Variants in ARHGAP15 observed in about 807,000 individuals in gnomAD.
The protein encoded by ARHGAP15 is Rho GTPase activating protein 15.
In ARHGAP15, 51 loss-of-function variants were observed where a neutral mutation model predicts 63.7. That is an observed-to-expected ratio of 0.80 (90% CI 0.64 to 1.01). The LOEUF is 1.01. ARHGAP15 is among the 50% of genes least tolerant of loss of function. ARHGAP15 has a pLI of 0.00. For missense variants in ARHGAP15, 560 were observed against 564.6 expected (o/e 0.99, Z 0.08); for synonymous variants, 191 against 193.8 (o/e 0.99, Z 0.12).
intron 9 of ARHGAP15, among the ~76,000 whole-genome samples, chr2:143,511,937 T>C (rs1198848978): frequency 6.6e-6 from 1 of 152,226 alleles, no homozygotes; most frequent in Non-Finnish European, 1.5e-5. Context: ...TGCATTATCA[T>C]CTCTTCTCAA....
chr2:143,341,181 A>G (rs1054625379), intron 6 of ARHGAP15, among the ~76,000 whole-genome samples: 2 of 151,896 alleles, frequency 1.3e-5, no homozygotes, highest in African/African-American at 4.8e-5. Context: ...CCTCTCCGGC[A>G]TCCCTTCTTT....
At chr2:143,385,032 T>C (rs1412355805) in intron 6 of ARHGAP15, among the ~76,000 whole-genome samples, 1 of 152,182 alleles carries the variant, frequency 6.6e-6, no homozygotes, top group African/African-American at 2.4e-5. Context: ...CCATTTTATT[T>C]TACCTAGAGA....
intron 10 of ARHGAP15, among the ~76,000 whole-genome samples, chr2:143,550,130 TAA>T (rs1158341991): frequency 1.3e-5 from 2 of 152,206 alleles, no homozygotes; most frequent in African/African-American, 4.8e-5. Context: ...TTTACTGCTA[TAA>T]GTTTAAAGAG....
chr2:143,713,016 A>T (rs1318570996), intron 13 of ARHGAP15, among the ~76,000 whole-genome samples: 1 of 152,210 alleles, frequency 6.6e-6, no homozygotes, highest in African/African-American at 2.4e-5. Context: ...TTTTTGTTGA[A>T]CAAATGGAAT....
intron 6 of ARHGAP15, among the ~76,000 whole-genome samples, chr2:143,272,582 G>C (rs1281220299): frequency 2.6e-5 from 4 of 152,172 alleles, no homozygotes; most frequent in Admixed American, 2.6e-4. Context: ...GATCCCAGGA[G>C]ACAGAGATTG....
intron 6 of ARHGAP15, among the ~76,000 whole-genome samples, chr2:143,318,144 A>G (rs1683811037): frequency 6.6e-6 from 1 of 151,402 alleles, no homozygotes; most frequent in Non-Finnish European, 1.5e-5. Flanking sequence ...GACTACAGGC[A>G]CGTGGCACCA....
intron 2 of ARHGAP15, among the ~76,000 whole-genome samples, chr2:143,168,469 A>AT (rs951744008): frequency 1.3e-5 from 2 of 152,106 alleles, no homozygotes; most frequent in Admixed American, 1.3e-4. Context: ...CTCAGCCACC[A>AT]TGACTGGTCC....
chr2:143,209,478 G>A (rs533241839), intron 3 of ARHGAP15, among the ~76,000 whole-genome samples: 11 of 152,018 alleles, frequency 7.2e-5, no homozygotes, highest in Non-Finnish European at 8.8e-5. Context: ...CTAGAGAAGC[G>A]TTCAGTCTAG....
intron 6 of ARHGAP15, among the ~76,000 whole-genome samples, chr2:143,283,260 A>T (rs533712736): frequency 9.2e-5 from 14 of 152,146 alleles, no homozygotes; most frequent in Non-Finnish European, 2.1e-4. Flanking sequence ...CGCTTTCCTC[A>T]ATGTACACAC....
At chr2:143,287,710 G>A (rs765939273) in intron 6 of ARHGAP15, among the ~76,000 whole-genome samples, 1 of 152,106 alleles carries the variant, frequency 6.6e-6, no homozygotes, top group Non-Finnish European at 1.5e-5. Flanking sequence ...GGGTGAGGCA[G>A]GAGAATTGCT....
At chr2:143,370,349 G>T (rs924618503) in intron 6 of ARHGAP15, among the ~76,000 whole-genome samples, 29 of 152,068 alleles carry the variant, frequency 1.9e-4, no homozygotes, top group Non-Finnish European at 8.8e-5. Flanking sequence ...GGACTGTTGT[G>T]GGGTGGGGGA....
chr2:143,266,972 C>T (rs895709628), intron 6 of ARHGAP15, among the ~76,000 whole-genome samples: 4 of 152,124 alleles, frequency 2.6e-5, no homozygotes, highest in Non-Finnish European at 5.9e-5. Context: ...ATGGAATAGT[C>T]TCTTTCTGGA....
intron 6 of ARHGAP15, among the ~76,000 whole-genome samples, chr2:143,251,495 C>T (rs16858917): frequency 0.011 from 1,729 of 151,900 alleles, 32 homozygotes; most frequent in African/African-American, 0.039. Context: ...CATTTTCTAC[C>T]GACACTCTCA....
At chr2:143,357,984 C>A (rs375348785) in intron 6 of ARHGAP15, among the ~76,000 whole-genome samples, 6 of 152,130 alleles carry the variant, frequency 3.9e-5, no homozygotes, top group Non-Finnish European at 7.4e-5. Flanking sequence ...AAATGGCATT[C>A]ATTTTGTTTT....
At chr2:143,482,762 C>A (rs1306513376) in intron 8 of ARHGAP15, among the ~76,000 whole-genome samples, 1 of 152,182 alleles carries the variant, frequency 6.6e-6, no homozygotes, top group African/African-American at 2.4e-5. Context: ...TGCTTTATAT[C>A]CACGCACTTC....
chr2:143,707,990 T>G (rs960329908), intron 13 of ARHGAP15, among the ~76,000 whole-genome samples: 15 of 152,178 alleles, frequency 9.9e-5, no homozygotes, highest in Non-Finnish European at 2.2e-4. Flanking sequence ...CGTTCCTGTG[T>G]TTCTTTTTAC....
chr2:143,514,164 G>C (rs1693706696), intron 9 of ARHGAP15, among the ~76,000 whole-genome samples: 1 of 152,184 alleles, frequency 6.6e-6, no homozygotes, highest in Admixed American at 6.5e-5. Flanking sequence ...AACTGTAGGA[G>C]ATGGTGCATC....
chr2:143,334,477 A>G (rs1684686747), intron 6 of ARHGAP15, among the ~76,000 whole-genome samples: 1 of 152,118 alleles, frequency 6.6e-6, no homozygotes, highest in Non-Finnish European at 1.5e-5. Context: ...GTTAAATTTC[A>G]TCTAAATTTC....
At chr2:143,297,743 TAAG>T (rs1389817486) in intron 6 of ARHGAP15, among the ~76,000 whole-genome samples, 1 of 151,964 alleles carries the variant, frequency 6.6e-6, no homozygotes. Context: ...CCATGGAAAC[TAAG>T]AAGAGCTACA....
Sources: gnomAD v4.1 joint callset for allele counts (sites outside exome capture counted in the v4.1 genomes callset) on GRCh38, gnomAD v4.1.1 for gene constraint, MANE v1.5 for transcripts, NCBI Gene and HGNC (gene_info 2026-07-23, HGNC 2026-07-21) for gene names.